The following PARN variants were observed in gnomAD, a reference collection of about 807,000 sequenced individuals.
The protein encoded by PARN is poly(A)-specific ribonuclease PARN.
PARN carries 71 observed loss-of-function variants against 102.8 expected under a neutral mutation model. That is an observed-to-expected ratio of 0.69 (90% CI 0.57 to 0.84). PARN has a LOEUF of 0.84. Among genes scored for constraint, PARN ranks in the 40% least tolerant of loss-of-function variants. The pLI is 0.00. For missense variants in PARN, 782 were observed against 760.9 expected (o/e 1.03, Z -0.33); for synonymous variants, 261 against 252.9 (o/e 1.03, Z -0.30).
intron 23 of PARN, among the ~76,000 whole-genome samples, chr16:14,438,821 T>C: frequency 6.6e-6 from 1 of 152,064 alleles, no homozygotes; most frequent in East Asian, 1.9e-4. Context: ...GAGAATGATG[T>C]GTACAAAGGG....
intron 5 of PARN, among the ~76,000 whole-genome samples, chr16:14,626,409 A>G (rs1459629691): frequency 1.3e-5 from 2 of 152,116 alleles, no homozygotes; most frequent in Non-Finnish European, 2.9e-5. Context: ...TTGGCCTCCA[A>G]AACTGCTAGG....
chr16:14,524,333 C>T (rs1057452667), intron 21 of PARN, among the ~76,000 whole-genome samples: 3 of 152,124 alleles, frequency 2.0e-5, no homozygotes, highest in Admixed American at 6.5e-5. Context: ...TCCATCACGG[C>T]GGTTTAGATC....
chr16:14,446,770 G>C, intron 23 of PARN, 118 bp downstream of exon 23: 1 of 633,434 alleles, frequency 1.6e-6, no homozygotes, highest in Non-Finnish European at 2.7e-6. Context: ...TTTGGTGGAA[G>C]ACTACATGGG....
intron 7 of PARN, among the ~76,000 whole-genome samples, chr16:14,610,359 G>C (rs572178548): frequency 1.3e-5 from 2 of 151,698 alleles, no homozygotes; most frequent in African/African-American, 4.8e-5. Flanking sequence ...TATAATCCCA[G>C]CTACTCTGGA....
intron 5 of PARN, among the ~76,000 whole-genome samples, chr16:14,626,530 T>A (rs773112613): frequency 6.6e-6 from 1 of 152,136 alleles, no homozygotes; most frequent in Non-Finnish European, 1.5e-5. Flanking sequence ...TACGAAACTA[T>A]GTTCTCAAAT....
At chr16:14,440,036 C>T (rs1185014813) in intron 23 of PARN, among the ~76,000 whole-genome samples, 12 of 151,992 alleles carry the variant, frequency 7.9e-5, no homozygotes, top group Non-Finnish European at 1.5e-5. Context: ...ACAACAACAA[C>T]AACAAACCAC....
chr16:14,463,750 T>C (rs745590380), intron 22 of PARN, among the ~76,000 whole-genome samples: 3 of 151,214 alleles, frequency 2.0e-5, no homozygotes, highest in African/African-American at 7.3e-5. Flanking sequence ...ACATGAGTAA[T>C]TGGAGTCCCT....
chr16:14,615,886 G>T (rs946605048), intron 6 of PARN, among the ~76,000 whole-genome samples: 2 of 149,474 alleles, frequency 1.3e-5, no homozygotes, highest in Non-Finnish European at 3.0e-5. Context: ...GGGCGACACA[G>T]TGAGATTCTG....
intron 21 of PARN, among the ~76,000 whole-genome samples, chr16:14,497,301 CT>C (rs199921181): frequency 0.012 from 1,843 of 152,262 alleles, 16 homozygotes; most frequent in Non-Finnish European, 0.021. Flanking sequence ...TGACAATGTG[CT>C]TTGTGTTCTA....
At chr16:14,564,969 G>A (rs1968343957) in intron 18 of PARN, 1 of 152,082 alleles carries the variant, frequency 6.6e-6, no homozygotes, top group Admixed American at 6.6e-5. Flanking sequence ...TTAATCTGCG[G>A]CTCACCCCAA....
chr16:14,610,470 CAAA>C (rs554927448), intron 7 of PARN, among the ~76,000 whole-genome samples, 171 bp downstream of exon 7: 2 of 91,326 alleles, frequency 2.2e-5, no homozygotes, highest in Admixed American at 1.2e-4. Context: ...AAGACTGTCT[CAAA>C]AAAAAAAAAA....
intron 23 of PARN, among the ~76,000 whole-genome samples, chr16:14,441,801 C>T (rs1433515804): frequency 6.6e-6 from 1 of 152,158 alleles, no homozygotes; most frequent in Non-Finnish European, 1.5e-5. Flanking sequence ...CTCAGGTGAC[C>T]GACAGCAGCA....
intron 21 of PARN, among the ~76,000 whole-genome samples, chr16:14,513,067 G>A (rs1206776880): frequency 6.6e-6 from 1 of 152,056 alleles, no homozygotes; most frequent in Non-Finnish European, 1.5e-5. Context: ...TGGGATTACA[G>A]GTGCGTGCCA....
chr16:14,627,084 A>T (rs557853942), intron 5 of PARN, 22 bp downstream of exon 5: 1 of 1,424,566 alleles, frequency 7.0e-7, no homozygotes, highest in East Asian at 2.3e-5. Flanking sequence ...CAGAAAAGAA[A>T]AATCTCAATT....
intron 12 of PARN, among the ~76,000 whole-genome samples, chr16:14,597,322 T>C (rs1970583339): frequency 6.6e-6 from 1 of 152,186 alleles, no homozygotes; most frequent in Non-Finnish European, 1.5e-5. Context: ...TATAATTTAA[T>C]GACATAGTTA....
At chr16:14,533,370 C>T (rs889749743) in intron 21 of PARN, among the ~76,000 whole-genome samples, 1 of 146,022 alleles carries the variant, frequency 6.8e-6, no homozygotes, top group South Asian at 2.2e-4. Flanking sequence ...AGTCCAGCTT[C>T]GGCTTGGCAT....
intron 21 of PARN, chr16:14,501,552 C>T (rs1293161827): frequency 6.6e-6 from 1 of 151,398 alleles, no homozygotes; most frequent in Admixed American, 6.6e-5. Context: ...TTATATCTTA[C>T]CCCACCCTGA....
intron 21 of PARN, among the ~76,000 whole-genome samples, chr16:14,510,821 C>T (rs1965148105): frequency 6.6e-6 from 1 of 152,130 alleles, no homozygotes; most frequent in South Asian, 2.1e-4. Flanking sequence ...TATCACCTAG[C>T]CAAACTTACT....
rs1000906904 is a variant in PARN, at chr16:14,601,740, T to C, written c.784-1780A>G. Reference sequence around the variant, plus strand: ...GAGTTCAAGACCTGCCTGGCCAACATGGCGAAACCCCGTCTCTACTAAAAA... The same window carrying C: ...GAGTTCAAGACCTGCCTGGCCAACACGGCGAAACCCCGTCTCTACTAAAAA... On this transcript the variant is annotated intron_variant, in intron 11 of 23. Transcript: ENST00000437198. 2.6e-5 allele frequency: 4 copies of C among 151,836 alleles called. No individual in the cohort carries two copies. The East Asian group carries it at 7.9e-4, about 30-fold the overall frequency. 9.4% of individuals were successfully genotyped at this position (151,836 alleles called of 1,614,324 possible). A position where few individuals can be genotyped will look rare whatever the true frequency, so the allele number is the denominator to read the frequency against.
Sources: gnomAD v4.1 joint callset for allele counts (sites outside exome capture counted in the v4.1 genomes callset) on GRCh38, gnomAD v4.1.1 for gene constraint, MANE v1.5 for transcripts, NCBI Gene and HGNC (gene_info 2026-07-23, HGNC 2026-07-21) for gene names.